The following CDC42 variants were observed in gnomAD, a reference collection of about 807,000 sequenced individuals.
CDC42 encodes cell division control protein 42 homolog.
In CDC42, 1 loss-of-function variant was observed where a neutral mutation model predicts 20.8. The ratio of observed to expected loss-of-function variants is 0.05; its 90% CI spans 0.02 to 0.23. CDC42 has a LOEUF of 0.23. Ranked by LOEUF, CDC42 falls within the 10% of genes least tolerant of loss-of-function variation. The probability of loss-of-function intolerance (pLI) is 1.00; values close to 1 mark genes in which losing one functional copy is unlikely to be tolerated. For missense variants in CDC42, 49 were observed against 227.9 expected, an observed-to-expected ratio of 0.21 and a Z score of 5.05; for synonymous variants, 72 against 84.8, an observed-to-expected ratio of 0.85 and a Z score of 0.83.
chr1:22,071,662 A>G (rs1645493396), intron 1 of CDC42, among the ~76,000 whole-genome samples: 1 of 152,194 alleles, frequency 6.6e-6, no homozygotes, highest in Non-Finnish European at 1.5e-5. Flanking sequence ...TATTCTGTTT[A>G]ATCCTACAAC....
rs1374047302 is a variant in CDC42 at position 22,101,267 on chromosome 1, C to G, written c.*9750C>G. 1 of 152,164 alleles carries G rather than the reference C, an allele frequency of 6.6e-6. No homozygotes were observed. The highest frequency in any genetic ancestry group is 2.4e-5 in the African/African-American group (1 of 41,438). The allele number at this position is 152,164 out of a possible 1,614,324, so 9.4% of individuals were successfully genotyped here. On this transcript the variant is annotated 3_prime_UTR_variant, in exon 6 of 6. Transcript: ENST00000656825. ...AGCTCTCAGTTGGAAGTTGAAGATCCAGGTTCTAGTTGAGGCACCAGAGTT... is the reference window on the plus strand; with the variant it reads ...AGCTCTCAGTTGGAAGTTGAAGATCGAGGTTCTAGTTGAGGCACCAGAGTT...
intron 5 of CDC42, chr1:22,089,798 C>T (rs1570045164): frequency 1.3e-6 from 1 of 775,592 alleles, no homozygotes; most frequent in East Asian, 2.8e-5. Flanking sequence ...TTATAATGGG[C>T]TTAAGATCTA....
intron 1 of CDC42, among the ~76,000 whole-genome samples, chr1:22,075,361 A>C (rs979512353): frequency 3.9e-5 from 6 of 152,204 alleles, no homozygotes; most frequent in Admixed American, 3.9e-4. Context: ...CAATTAGTAT[A>C]ATCTTCCCTT....
chr1:22,071,199 A>G (rs914191501), intron 1 of CDC42, among the ~76,000 whole-genome samples: 1 of 151,222 alleles, frequency 6.6e-6, no homozygotes, highest in African/African-American at 2.4e-5. Flanking sequence ...GCCTGCCACC[A>G]CGCCCGGCTA....
chr1:22,089,886 A>G (rs1645698446), intron 5 of CDC42: 4 of 1,561,890 alleles, frequency 2.6e-6, no homozygotes, highest in African/African-American at 2.7e-5. Flanking sequence ...TGTACCTGCT[A>G]GTCTTTCTAA....
intron 1 of CDC42, among the ~76,000 whole-genome samples, chr1:22,056,380 C>T (rs16826239): frequency 1.3e-5 from 2 of 152,188 alleles, no homozygotes; most frequent in Admixed American, 1.3e-4. Flanking sequence ...GGACAATTTA[C>T]CATCACTTAG....
At position 22,096,709 on chromosome 1, in the gene CDC42, G is replaced by GCC. The variant is rs1553197031; in HGVS notation, c.*5193_*5194dup. 1.3e-5 allele frequency among the ~76,000 whole-genome samples: 2 copies of GCC among 152,350 alleles called. No homozygotes were observed. Among genetic ancestry groups the GCC allele is most frequent in the African/African-American group, 4.8e-5 (2 of 41,588 alleles). On this transcript the variant is annotated 3_prime_UTR_variant, in exon 6 of 6. Coordinates refer to ENST00000656825, the MANE Select transcript of CDC42 (RefSeq NM_001791.4). ...GTTGGAACCCCTGATGGGTATCTGG[G>GCC]CCACTGCCCAGGCCACACAGAGCCT...
chr1:22,059,579 CTG>C (rs1455763205), intron 1 of CDC42: 3 of 148,270 alleles, frequency 2.0e-5, no homozygotes, highest in Non-Finnish European at 3.0e-5. Flanking sequence ...AATTCTCGCT[CTG>C]TTGCCCAGGC....
intron 3 of CDC42, among the ~76,000 whole-genome samples, chr1:22,085,803 G>A (rs1645655897): frequency 6.6e-6 from 1 of 152,078 alleles, no homozygotes. Context: ...TGTCATCTGG[G>A]TTTCAGTGAG....
chr1:22,074,981 G>T (rs1338019336), intron 1 of CDC42, among the ~76,000 whole-genome samples: 1 of 152,138 alleles, frequency 6.6e-6, no homozygotes, highest in Non-Finnish European at 1.5e-5. Flanking sequence ...ACTTCAGGCT[G>T]CTTTTTTTTG....
At chr1:22,078,719 A>G (rs1364417128) in intron 2 of CDC42, 136 bp downstream of exon 2, 5 of 1,501,528 alleles carry the variant, frequency 3.3e-6, no homozygotes, top group East Asian at 2.6e-5. Flanking sequence ...TTGACTTCTC[A>G]TGGGTAAATT....
intron 3 of CDC42, among the ~76,000 whole-genome samples, chr1:22,083,296 C>T (rs566243782): frequency 7.2e-5 from 11 of 151,952 alleles, no homozygotes; most frequent in Middle Eastern, 6.8e-3. Context: ...TTTTTTGATG[C>T]GTAGTGCAAT....
chr1:22,055,285 A>G (rs1228310038), intron 1 of CDC42, among the ~76,000 whole-genome samples: 1 of 150,902 alleles, frequency 6.6e-6, no homozygotes. Flanking sequence ...AGATGGAGAT[A>G]AGAGTTTGGT....
intron 1 of CDC42, among the ~76,000 whole-genome samples, chr1:22,068,061 G>C (rs1315677121): frequency 6.6e-6 from 1 of 152,012 alleles, no homozygotes; most frequent in Non-Finnish European, 1.5e-5. Flanking sequence ...TGGCCTAGGT[G>C]ACAGGGTGAG....
intron 1 of CDC42, among the ~76,000 whole-genome samples, chr1:22,071,042 C>CTT (rs1645485338): frequency 7.9e-5 from 4 of 50,590 alleles, no homozygotes; most frequent in Admixed American, 2.8e-4. Context: ...CTTTTTTTTT[C>CTT]TTTCTTTTTT....
intron 3 of CDC42, among the ~76,000 whole-genome samples, chr1:22,082,879 TTA>T (rs202150336): frequency 1.3e-5 from 2 of 150,172 alleles, no homozygotes; most frequent in Non-Finnish European, 1.5e-5. Context: ...GAGAAAATTT[TTA>T]TTTTTTTTTT....
intron 2 of CDC42, among the ~76,000 whole-genome samples, chr1:22,079,633 A>G (rs1350872431): frequency 6.6e-6 from 1 of 152,106 alleles, no homozygotes; most frequent in Non-Finnish European, 1.5e-5. Flanking sequence ...CACTAAAATC[A>G]TATTGATATT....
intron 1 of CDC42, chr1:22,064,236 G>A (rs1449564147): frequency 6.6e-6 from 1 of 151,508 alleles, no homozygotes; most frequent in Non-Finnish European, 1.5e-5. Flanking sequence ...AATATTTTGA[G>A]GGAAAATCTT....
chr1:22,090,834 C>A, intron 5 of CDC42: 3 of 983,204 alleles, frequency 3.1e-6, no homozygotes, highest in Non-Finnish European at 2.4e-6. Flanking sequence ...ATTCCTGTTG[C>A]ACTGACTGGC....
Sources: allele counts gnomAD v4.1 joint callset (sites outside exome capture counted in the v4.1 genomes callset), GRCh38; gene constraint gnomAD v4.1.1; transcripts MANE v1.5; gene names NCBI Gene and HGNC (gene_info 2026-07-23, HGNC 2026-07-21).